DLGAP1: variants seen among roughly 807,000 people sequenced by gnomAD.
DLGAP1 encodes disks large-associated protein 1.
Under a neutral mutation model 90.8 loss-of-function variants are expected in DLGAP1, and 11 were observed. That is an observed-to-expected ratio of 0.12 (90% CI 0.08 to 0.20). DLGAP1 has a LOEUF of 0.20. Among genes scored for constraint, DLGAP1 ranks in the 10% least tolerant of loss-of-function variants. DLGAP1 has a pLI of 1.00. For synonymous variants in DLGAP1, 558 were observed against 540.7 expected (o/e 1.03, Z -0.44); for missense variants, 1,050 against 1,333.8 (o/e 0.79, Z 3.31).
chr18:3,503,157 GT>G (rs2050035376), intron 11 of DLGAP1, among the ~76,000 whole-genome samples: 1 of 152,118 alleles, frequency 6.6e-6, no homozygotes, highest in African/African-American at 2.4e-5. Context: ...AGCACTATGT[GT>G]TTAATAATTA....
At chr18:4,001,755 G>A (rs2074190133) in intron 3 of DLGAP1, among the ~76,000 whole-genome samples, 1 of 152,110 alleles carries the variant, frequency 6.6e-6, no homozygotes, top group Non-Finnish European at 1.5e-5. Flanking sequence ...GGAGGAGATG[G>A]CTATTAAGGG....
At chr18:4,258,298 C>A (rs941994281) in intron 1 of DLGAP1, among the ~76,000 whole-genome samples, 7 of 151,816 alleles carry the variant, frequency 4.6e-5, no homozygotes, top group Admixed American at 4.6e-4. Flanking sequence ...CCTGCCTGGG[C>A]CTCCCAAAGT....
intron 1 of DLGAP1, among the ~76,000 whole-genome samples, chr18:4,257,481 C>T (rs907285138): frequency 2.6e-5 from 4 of 152,166 alleles, no homozygotes; most frequent in Non-Finnish European, 5.9e-5. Context: ...TAGATTGTAA[C>T]AAAAACTTAT....
chr18:4,393,722 C>T (rs1422338001), intron 1 of DLGAP1, among the ~76,000 whole-genome samples: 3 of 152,184 alleles, frequency 2.0e-5, no homozygotes, highest in Non-Finnish European at 4.4e-5. Flanking sequence ...AGTCCCCAAC[C>T]CTTTCGGCAC....
At chr18:4,194,932 G>C (rs1302845535) in intron 1 of DLGAP1, among the ~76,000 whole-genome samples, 1 of 152,150 alleles carries the variant, frequency 6.6e-6, no homozygotes, top group Non-Finnish European at 1.5e-5. Context: ...TGTGTGCGTG[G>C]TGAGATGTTT....
intron 2 of DLGAP1, among the ~76,000 whole-genome samples, chr18:4,117,805 G>C (rs992917131): frequency 6.6e-6 from 1 of 152,188 alleles, no homozygotes; most frequent in African/African-American, 2.4e-5. Flanking sequence ...TCTTAAGCCT[G>C]CTTTCCTAGG....
At chr18:4,409,880 A>G (rs952048702) in intron 1 of DLGAP1, among the ~76,000 whole-genome samples, 2 of 152,190 alleles carry the variant, frequency 1.3e-5, no homozygotes, top group African/African-American at 4.8e-5. Context: ...AGCACAATTC[A>G]CAATAGCAAA....
At chr18:3,749,075 T>A (rs560524708) in intron 5 of DLGAP1, among the ~76,000 whole-genome samples, 1 of 151,930 alleles carries the variant, frequency 6.6e-6, no homozygotes, top group East Asian at 1.9e-4. Context: ...GCCTTTTAAC[T>A]TCCACATTCC....
chr18:3,963,286 C>G (rs796330329), intron 3 of DLGAP1, among the ~76,000 whole-genome samples: 1 of 152,152 alleles, frequency 6.6e-6, no homozygotes, highest in African/African-American at 2.4e-5. Flanking sequence ...CCCTCACCCC[C>G]CAGGGTTCTA....
At chr18:4,089,809 G>A (rs1269944845) in intron 2 of DLGAP1, among the ~76,000 whole-genome samples, 1 of 152,174 alleles carries the variant, frequency 6.6e-6, no homozygotes, top group African/African-American at 2.4e-5. Context: ...ACTTTGGGAG[G>A]CCGAGGCGGG....
chr18:4,220,342 T>G (rs1346353377), intron 1 of DLGAP1, among the ~76,000 whole-genome samples: 1 of 152,130 alleles, frequency 6.6e-6, no homozygotes, highest in Non-Finnish European at 1.5e-5. Flanking sequence ...TTAAGACTCT[T>G]GCCAAGAACT....
intron 7 of DLGAP1, among the ~76,000 whole-genome samples, chr18:3,696,895 G>A (rs750185104): frequency 3.3e-5 from 5 of 152,092 alleles, no homozygotes; most frequent in Non-Finnish European, 5.9e-5. Context: ...GTCTATTCAG[G>A]GATTCGACTT....
At chr18:4,189,999 C>T (rs149181348) in intron 1 of DLGAP1, among the ~76,000 whole-genome samples, 1 of 152,020 alleles carries the variant, frequency 6.6e-6, no homozygotes, top group South Asian at 2.1e-4. Flanking sequence ...TTTATGCAAA[C>T]CTTATCAAAG....
chr18:3,939,649 T>C (rs2072727080), intron 3 of DLGAP1, among the ~76,000 whole-genome samples: 1 of 152,146 alleles, frequency 6.6e-6, no homozygotes, highest in Admixed American at 6.6e-5. Flanking sequence ...TATCCAAAGA[T>C]AAATTTCATG....
At chr18:3,831,598 A>G (rs929072561) in intron 4 of DLGAP1, among the ~76,000 whole-genome samples, 6 of 152,198 alleles carry the variant, frequency 3.9e-5, no homozygotes, top group African/African-American at 1.4e-4. Flanking sequence ...TATTCAAATC[A>G]TCCTTTGGGA....
chr18:4,052,862 G>A (rs2075156074), intron 2 of DLGAP1, among the ~76,000 whole-genome samples: 1 of 152,142 alleles, frequency 6.6e-6, no homozygotes, highest in South Asian at 2.1e-4. Context: ...GAGGCAAAAA[G>A]CCACCAGTCT....
chr18:3,801,773 A>G (rs933481193), intron 5 of DLGAP1, among the ~76,000 whole-genome samples: 1 of 152,226 alleles, frequency 6.6e-6, no homozygotes, highest in African/African-American at 2.4e-5. Context: ...AAAGTAAGAG[A>G]AAAGCACAAG....
intron 1 of DLGAP1, among the ~76,000 whole-genome samples, chr18:4,207,260 T>C (rs1464551221): frequency 6.6e-6 from 1 of 152,048 alleles, no homozygotes; most frequent in Non-Finnish European, 1.5e-5. Flanking sequence ...ATCCCTCACA[T>C]GGTGGCAGGG....
At chr18:4,192,770 C>G (rs1380307805) in intron 1 of DLGAP1, among the ~76,000 whole-genome samples, 1 of 152,054 alleles carries the variant, frequency 6.6e-6, no homozygotes, top group Non-Finnish European at 1.5e-5. Flanking sequence ...GATCTGCAGA[C>G]TAGAGGTGAG....
Sources: allele counts gnomAD v4.1 joint callset (sites outside exome capture counted in the v4.1 genomes callset), GRCh38; gene constraint gnomAD v4.1.1; transcripts MANE v1.5; gene names NCBI Gene and HGNC (gene_info 2026-07-23, HGNC 2026-07-21).